ITGB5: variants seen among roughly 807,000 people sequenced by gnomAD.
ITGB5 encodes the protein integrin beta-5.
In ITGB5, 38 loss-of-function variants were observed where a neutral mutation model predicts 84.8. The observed-to-expected ratio is 0.45, with a 90% confidence interval of 0.35 to 0.59. The LOEUF (loss-of-function observed/expected upper bound fraction) is 0.59. ITGB5 is among the 20% of genes least tolerant of loss of function. The probability of loss-of-function intolerance (pLI) is 0.01; values close to 1 mark genes in which losing one functional copy is unlikely to be tolerated. For missense variants in ITGB5, 905 were observed against 1,034.5 expected, an observed-to-expected ratio of 0.87 and a Z score of 1.72; for synonymous variants, 393 against 414.4, an observed-to-expected ratio of 0.95 and a Z score of 0.63.
intron 1 of ITGB5, among the ~76,000 whole-genome samples, chr3:124,885,221 G>A (rs190486175): frequency 9.7e-4 from 148 of 152,096 alleles, no homozygotes; most frequent in Non-Finnish European, 1.7e-3. Flanking sequence ...AGTGAGCCGA[G>A]ATGGCACCAC....
Position 124,841,408 on chromosome 3 carries a change from G to A in ITGB5, c.755C>T (p.Ala252Val). ...CTTGCAGACGGCTGCCTGGAGTACT[G>A]CATCAAAGCCCCCCTCAGGGGCATC... is the stretch of plus-strand genomic sequence containing the variant. ...NRDAPEGGFD[A>V]VLQAAVCKEK... The change falls in exon 5 of 15, where the codon GCA becomes GTA. Residue 252 changes from alanine (A) to valine (V), a missense_variant. Ala to Val is a moderately conservative substitution (Grantham distance 64). Around this residue, in one of 3 missense-constraint regions of ITGB5, gnomAD observed 656 missense variants for 734.7 expected, o/e 0.89. Coordinates refer to ENST00000296181, the MANE Select transcript of ITGB5 (RefSeq NM_002213.5). The A allele has an allele frequency of 6.2e-7, 1 of 1,614,170 alleles. No homozygotes were observed. The highest frequency in any genetic ancestry group is 8.5e-7 in the Non-Finnish European group (1 of 1,180,014).
intron 10 of ITGB5, among the ~76,000 whole-genome samples, chr3:124,784,517 C>G (rs2064052479): frequency 6.6e-6 from 1 of 152,170 alleles, no homozygotes; most frequent in Admixed American, 6.5e-5. Flanking sequence ...CAACAACAAA[C>G]AAAATCAATG....
intron 1 of ITGB5, among the ~76,000 whole-genome samples, chr3:124,897,792 G>T (rs1437843740): frequency 2.0e-5 from 3 of 152,188 alleles, no homozygotes; most frequent in African/African-American, 7.2e-5. Flanking sequence ...GGTCTCAAAG[G>T]ATAAGGAAAT....
At chr3:124,830,177 G>T (rs2064840804) in intron 5 of ITGB5, among the ~76,000 whole-genome samples, 1 of 152,178 alleles carries the variant, frequency 6.6e-6, no homozygotes, top group Non-Finnish European at 1.5e-5. Context: ...TCTTAAGGCT[G>T]AAAGGAGTCA....
chr3:124,819,169 T>G lies in ITGB5; in HGVS notation c.1038+570A>C. 2.6e-5 allele frequency among the ~76,000 whole-genome samples: 4 copies of G among 152,328 alleles called. No individual in the cohort carries two copies. In the Middle Eastern group the frequency reaches 0.014, roughly 518 times the overall value. On this transcript the variant is annotated intron_variant, in intron 7 of 14. Coordinates refer to ENST00000296181, the MANE Select transcript of ITGB5 (RefSeq NM_002213.5). ...CTGCTCTATTCACTCAGGACACTTA[T>G]TGGTTTCTTTGGGAATTCCTGCCCC...
intron 7 of ITGB5, among the ~76,000 whole-genome samples, chr3:124,818,268 T>C (rs1260314108): frequency 1.3e-5 from 2 of 152,108 alleles, no homozygotes; most frequent in African/African-American, 2.4e-5. Context: ...CCTTTCCTCT[T>C]TCATCTGTAC....
chr3:124,820,375 G>A (rs1217224787), intron 6 of ITGB5, among the ~76,000 whole-genome samples: 1 of 152,196 alleles, frequency 6.6e-6, no homozygotes, highest in Non-Finnish European at 1.5e-5. Flanking sequence ...TAAAAGTTGG[G>A]CCATGGGGCA....
chr3:124,768,375 C>T (rs2063795782), intron 12 of ITGB5, among the ~76,000 whole-genome samples: 1 of 152,232 alleles, frequency 6.6e-6, no homozygotes, highest in Admixed American at 6.5e-5. Context: ...TCCATCACCA[C>T]AGAAAGAAAT....
chr3:124,787,255 G>A (rs2064095021), intron 10 of ITGB5, among the ~76,000 whole-genome samples: 3 of 152,128 alleles, frequency 2.0e-5, no homozygotes, highest in Non-Finnish European at 2.9e-5. Context: ...AGAATCACAG[G>A]TGAATTGTTG....
At chr3:124,862,605 G>A (rs2065321130) in intron 2 of ITGB5, 1 of 152,244 alleles carries the variant, frequency 6.6e-6, no homozygotes, top group Non-Finnish European at 1.5e-5. Flanking sequence ...AGAACTGTGA[G>A]GCGGACAGGT....
chr3:124,837,868 G>C (rs150563144), intron 5 of ITGB5, among the ~76,000 whole-genome samples: 11 of 152,328 alleles, frequency 7.2e-5, no homozygotes, highest in African/African-American at 2.6e-4. Context: ...GAAGTAGAGC[G>C]TGCAGCGCTG....
intron 5 of ITGB5, among the ~76,000 whole-genome samples, chr3:124,824,397 A>G (rs976502240): frequency 6.6e-6 from 1 of 152,248 alleles, no homozygotes; most frequent in Non-Finnish European, 1.5e-5. Flanking sequence ...AAAGTGGATC[A>G]TTGACCTAAA....
chr3:124,823,523 T>C (rs1425888855), intron 5 of ITGB5, among the ~76,000 whole-genome samples: 4 of 151,606 alleles, frequency 2.6e-5, no homozygotes, highest in Non-Finnish European at 5.9e-5. Flanking sequence ...ATAGTGGTTC[T>C]CCTTGCTGTC....
chr3:124,849,575 C>A (rs1289354680), intron 3 of ITGB5, among the ~76,000 whole-genome samples: 2 of 152,028 alleles, frequency 1.3e-5, no homozygotes, highest in African/African-American at 4.8e-5. Context: ...AAGACAGATT[C>A]CAAATTTTAG....
chr3:124,898,112 A>AG (rs1935143723), intron 1 of ITGB5, among the ~76,000 whole-genome samples: 1 of 152,092 alleles, frequency 6.6e-6, no homozygotes, highest in Non-Finnish European at 1.5e-5. Flanking sequence ...GGGTAGGGGT[A>AG]GGGGGCTTAT....
upstream of ITGB5, chr3:124,887,674 G>C (rs990182828): frequency 2.2e-6 from 1 of 451,590 alleles, no homozygotes; most frequent in Non-Finnish European, 4.5e-6. Context: ...CACGGGAAAG[G>C]GGCGGGGCAC....
intron 3 of ITGB5, 60 bp from the exon 4 acceptor site, chr3:124,848,618 A>C (rs902038598): frequency 6.5e-7 from 1 of 1,540,624 alleles, no homozygotes; most frequent in Non-Finnish European, 8.7e-7. Flanking sequence ...GGGCTGAGGG[A>C]TGGGATTTGC....
intron 10 of ITGB5, among the ~76,000 whole-genome samples, chr3:124,793,776 C>T (rs529226814): frequency 1.6e-4 from 25 of 152,372 alleles, no homozygotes; most frequent in African/African-American, 5.5e-4. Flanking sequence ...CTGAGGAAAG[C>T]GTTGATCCCT....
intron 1 of ITGB5, among the ~76,000 whole-genome samples, chr3:124,880,833 G>A (rs1392590225): frequency 2.0e-5 from 3 of 151,854 alleles, no homozygotes; most frequent in Non-Finnish European, 4.4e-5. Flanking sequence ...GAAGGCTGAG[G>A]CATGAGAATG....
Sources: allele counts gnomAD v4.1 joint callset (sites outside exome capture counted in the v4.1 genomes callset), GRCh38; gene constraint gnomAD v4.1.1; regional missense constraint gnomAD v4.1.1; transcripts MANE v1.5; gene names NCBI Gene and HGNC (gene_info 2026-07-23, HGNC 2026-07-21).